Variants in SEM1 observed in about 807,000 individuals in gnomAD.
SEM1 encodes 26S proteasome complex subunit SEM1.
Under a neutral mutation model 12.7 loss-of-function variants are expected in SEM1, and 3 were observed. The ratio of observed to expected loss-of-function variants is 0.24; its 90% CI spans 0.11 to 0.61. The LOEUF (loss-of-function observed/expected upper bound fraction) is 0.61. SEM1 is among the 20% of genes least tolerant of loss of function. SEM1 has a pLI of 0.88. For synonymous variants in SEM1, 30 were observed against 27.8 expected (o/e 1.08, Z -0.25); for missense variants, 59 against 81.3 (o/e 0.73, Z 1.06).
chr7:96,705,349 G>T, intron 1 of SEM1, among the ~76,000 whole-genome samples: 1 of 105,554 alleles, frequency 9.5e-6, no homozygotes. Flanking sequence ...TTCTAAAAAA[G>T]CTTCTCTCTC....
chr7:96,552,203 T>TTA (rs1554414169), intron 2 of SEM1, among the ~76,000 whole-genome samples: 7 of 151,104 alleles, frequency 4.6e-5, no homozygotes, highest in Admixed American at 4.0e-4. Flanking sequence ...CTCTTTTTTT[T>TTA]ATTATACTTT....
intron 2 of SEM1, among the ~76,000 whole-genome samples, chr7:96,590,467 A>G (rs1057085618): frequency 6.6e-6 from 1 of 152,228 alleles, no homozygotes; most frequent in East Asian, 1.9e-4. Flanking sequence ...AAGTACAGAT[A>G]CAGAAAAACC....
intron 2 of SEM1, among the ~76,000 whole-genome samples, chr7:96,652,520 T>C (rs547034831): frequency 6.6e-6 from 1 of 152,150 alleles, no homozygotes; most frequent in African/African-American, 2.4e-5. Flanking sequence ...TATCAAGATA[T>C]ATGCTACATA....
intron 2 of SEM1, among the ~76,000 whole-genome samples, chr7:96,542,271 T>C (rs188135784): frequency 6.6e-6 from 1 of 152,116 alleles, no homozygotes; most frequent in Non-Finnish European, 1.5e-5. Flanking sequence ...TCATCTATGA[T>C]TCCATTTAGC....
In SEM1 at chr7:96,487,254, A is replaced by G. The variant is rs550301849; in HGVS notation, c.13-837T>C. 4.0e-5 allele frequency among the ~76,000 whole-genome samples: 6 copies of G among 150,212 alleles called. 1 individual carries two copies. The highest frequency in any genetic ancestry group is 1.5e-4 in the African/African-American group (6 of 39,524). On this transcript the variant is annotated intron_variant, in intron 1 of 3. Transcript: ENST00000356686. ...TTAAAAATCAAAGTTAATGCAAAAT[A>G]TCTACAGTAAACACAATATCAAATT...
At chr7:96,659,905 T>A (rs1431967595) in intron 2 of SEM1, among the ~76,000 whole-genome samples, 71 of 57,616 alleles carry the variant, frequency 1.2e-3, no homozygotes, top group African/African-American at 4.1e-3. Context: ...AGAAAGAAAG[T>A]AAGATGGCAA....
intron 2 of SEM1, among the ~76,000 whole-genome samples, chr7:96,584,818 T>G (rs1369280484): frequency 1.3e-5 from 2 of 151,998 alleles, no homozygotes; most frequent in African/African-American, 4.8e-5. Flanking sequence ...TTCAGCTCCA[T>G]CAGCTCCTTT....
intron 2 of SEM1, among the ~76,000 whole-genome samples, chr7:96,557,943 G>A (rs1222826920): frequency 1.3e-5 from 2 of 152,178 alleles, no homozygotes; most frequent in East Asian, 3.9e-4. Context: ...GGGTGGGAGT[G>A]ACCCGATTTT....
intron 3 of SEM1, chr7:96,503,427 C>T (rs909626135): frequency 6.6e-6 from 1 of 152,022 alleles, no homozygotes; most frequent in Admixed American, 6.6e-5. Context: ...TCTCAGCAGG[C>T]AAAAAGCCCT....
At chr7:96,709,367 A>T (rs1033363829) in intron 1 of SEM1, among the ~76,000 whole-genome samples, 2 of 152,242 alleles carry the variant, frequency 1.3e-5, no homozygotes, top group African/African-American at 4.8e-5. Flanking sequence ...GTAGACTTGA[A>T]CTAAGTTTAA....
At chr7:96,590,638 C>T (rs1011099177) in intron 2 of SEM1, among the ~76,000 whole-genome samples, 2 of 152,182 alleles carry the variant, frequency 1.3e-5, no homozygotes, top group Non-Finnish European at 2.9e-5. Flanking sequence ...AGTTTAGCAG[C>T]TTCATTCTAA....
chr7:96,525,252 C>G (rs921592708), intron 2 of SEM1, among the ~76,000 whole-genome samples: 1 of 143,816 alleles, frequency 7.0e-6, no homozygotes, highest in Non-Finnish European at 1.5e-5. Flanking sequence ...CTTGTCTAGT[C>G]CTGACTCCTT....
At chr7:96,644,702 T>G (rs1044198029) in intron 2 of SEM1, among the ~76,000 whole-genome samples, 1 of 152,154 alleles carries the variant, frequency 6.6e-6, no homozygotes, top group East Asian at 1.9e-4. Flanking sequence ...CAGTGTGACG[T>G]GGAGCACTCA....
chr7:96,595,911 C>A (rs1336918458), intron 2 of SEM1, among the ~76,000 whole-genome samples: 1 of 152,102 alleles, frequency 6.6e-6, no homozygotes, highest in East Asian at 1.9e-4. Flanking sequence ...TTATGGCCAA[C>A]AAAGAGGTGT....
At chr7:96,670,773 G>A (rs184530667), downstream of SEM1, among the ~76,000 whole-genome samples, 548 of 152,324 alleles carry the variant, frequency 3.6e-3, 2 homozygotes, top group Non-Finnish European at 6.8e-3. Context: ...AGCTTAATCT[G>A]CAAGGATGCC....
At chr7:96,625,905 A>G (rs895930675) in intron 2 of SEM1, among the ~76,000 whole-genome samples, 3 of 152,136 alleles carry the variant, frequency 2.0e-5, no homozygotes, top group African/African-American at 4.8e-5. Flanking sequence ...TAATATGTGT[A>G]TATGTTTATG....
chr7:96,690,780 G>A (rs972240587), intron 2 of SEM1, among the ~76,000 whole-genome samples: 11 of 151,944 alleles, frequency 7.2e-5, no homozygotes, highest in African/African-American at 2.4e-4. Flanking sequence ...GGATTTTTTT[G>A]TTGTTGTTGA....
intron 2 of SEM1, among the ~76,000 whole-genome samples, chr7:96,626,188 C>G (rs1270644598): frequency 2.0e-5 from 3 of 152,132 alleles, no homozygotes; most frequent in Non-Finnish European, 4.4e-5. Context: ...ACCTTCTCAG[C>G]CTCTGGTAAC....
rs541792418 is a variant in SEM1, at chr7:96,483,417, G to A, written c.*442C>T. 2.8e-5 allele frequency: 5 copies of A among 176,926 alleles called. No individual in the cohort carries two copies. In the East Asian group the frequency reaches 8.3e-4, roughly 29 times the overall value. The allele number at this position is 176,926 out of a possible 1,614,324, so 11.0% of individuals were successfully genotyped here. A position where few individuals can be genotyped will look rare whatever the true frequency, so the allele number is the denominator to read the frequency against. On this transcript the variant is annotated 3_prime_UTR_variant, in exon 4 of 4. Transcript: ENST00000356686. The stretch of plus-strand genomic sequence containing the variant: ...AGTGGAAAGACTCTTCTGTTGTCAG[G>A]TTAGTCAATAATAGTCATATTTGTT...
Sources: gnomAD v4.1 joint callset for allele counts (sites outside exome capture counted in the v4.1 genomes callset) on GRCh38, gnomAD v4.1.1 for gene constraint, MANE v1.5 for transcripts, NCBI Gene and HGNC (gene_info 2026-07-23, HGNC 2026-07-21) for gene names.